CENPP: variants seen among roughly 807,000 people sequenced by gnomAD.
CENPP encodes the protein centromere protein P.
CENPP carries 24 observed loss-of-function variants against 35.6 expected under a neutral mutation model. The ratio of observed to expected loss-of-function variants is 0.67; its 90% confidence interval spans 0.49 to 0.95. The LOEUF (loss-of-function observed/expected upper bound fraction) is 0.95. Ranked by LOEUF, CENPP falls within the 40% of genes least tolerant of loss-of-function variation. The pLI, the probability that CENPP is intolerant of heterozygous loss-of-function variation, is 0.00. For synonymous variants in CENPP, 120 were observed against 125.5 expected (o/e 0.96, Z 0.29); for missense variants, 332 against 345.3 (o/e 0.96, Z 0.31).
At chr9:92,422,638 C>T (rs1843842655) in intron 5 of CENPP, among the ~76,000 whole-genome samples, 2 of 152,244 alleles carry the variant, frequency 1.3e-5, no homozygotes, top group African/African-American at 4.8e-5. Flanking sequence ...GTCCTCCTCC[C>T]TCCACGTTCC....
chr9:92,460,550 A>G lies in CENPP; in HGVS notation c.564+80691A>G, dbSNP rs539600204. 9.4e-6 allele frequency: 15 copies of G among 1,590,402 alleles called. No homozygotes were observed. The highest frequency in any genetic ancestry group is 8.9e-5 in the East Asian group (4 of 44,746). On this transcript the variant is annotated intron_variant, in intron 5 of 7. Transcript: ENST00000375587. Reference sequence around the variant, plus strand: ...TTATTATAATCTAAGTGAAGCTCCAATAAAGTTGGTGGTAAGCCTAATAAG... The same window carrying G: ...TTATTATAATCTAAGTGAAGCTCCAGTAAAGTTGGTGGTAAGCCTAATAAG...
intron 5 of CENPP, among the ~76,000 whole-genome samples, chr9:92,610,190 G>A (rs1851198385): frequency 6.6e-6 from 1 of 152,172 alleles, no homozygotes; most frequent in Non-Finnish European, 1.5e-5. Context: ...TGAGTGGCTG[G>A]GACTACTGGC....
At chr9:92,389,395 C>T (rs866625625) in intron 5 of CENPP, among the ~76,000 whole-genome samples, 1 of 152,076 alleles carries the variant, frequency 6.6e-6, no homozygotes, top group African/African-American at 2.4e-5. Flanking sequence ...GGAAAATCTC[C>T]CTATAGAATT....
At chr9:92,513,572 C>G (rs1035902479) in intron 5 of CENPP, among the ~76,000 whole-genome samples, 1 of 152,186 alleles carries the variant, frequency 6.6e-6, no homozygotes, top group African/African-American at 2.4e-5. Flanking sequence ...ATAGGAAACC[C>G]TGCCCCATCC....
chr9:92,443,722 C>A (rs1844480719), intron 5 of CENPP, among the ~76,000 whole-genome samples: 1 of 151,856 alleles, frequency 6.6e-6, no homozygotes, highest in African/African-American at 2.4e-5. Context: ...TGCAGTGGCG[C>A]AATCTCGGCT....
intron 5 of CENPP, among the ~76,000 whole-genome samples, chr9:92,595,884 A>G (rs182677067): frequency 9.1e-4 from 138 of 152,242 alleles, no homozygotes; most frequent in Non-Finnish European, 1.4e-3. Context: ...TTTTTAAAAA[A>G]CTGAAAGCAT....
chr9:92,326,150 C>A, intron 1 of CENPP, 45 bp downstream of exon 1: 1 of 1,311,290 alleles, frequency 7.6e-7, no homozygotes, highest in Non-Finnish European at 1.0e-6. Flanking sequence ...GGCCAGGGTT[C>A]CCGGGCCAGG....
At chr9:92,329,459 T>G (rs1840672012) in intron 1 of CENPP, among the ~76,000 whole-genome samples, 1 of 152,228 alleles carries the variant, frequency 6.6e-6, no homozygotes, top group Non-Finnish European at 1.5e-5. Flanking sequence ...CTTCTGGGAT[T>G]ACGTGAGCCA....
At chr9:92,460,985 C>G (rs1345633976) in intron 5 of CENPP, among the ~76,000 whole-genome samples, 2 of 152,148 alleles carry the variant, frequency 1.3e-5, no homozygotes, top group Non-Finnish European at 2.9e-5. Context: ...AGCCTGGTAC[C>G]TACTTTTTAT....
intron 5 of CENPP, among the ~76,000 whole-genome samples, chr9:92,542,232 A>G (rs1849333909): frequency 6.6e-6 from 1 of 151,842 alleles, no homozygotes; most frequent in Admixed American, 6.6e-5. Context: ...TCCTTTGCCT[A>G]TTTTCTTGAT....
chr9:92,372,846 C>T (rs1180228874), intron 4 of CENPP, among the ~76,000 whole-genome samples: 3 of 151,330 alleles, frequency 2.0e-5, no homozygotes, highest in Non-Finnish European at 4.4e-5. Flanking sequence ...GGTGACTAGA[C>T]TCCTTTCTCT....
intron 5 of CENPP, chr9:92,515,185 C>G: frequency 6.3e-7 from 1 of 1,592,896 alleles, no homozygotes; most frequent in Non-Finnish European, 8.5e-7. Context: ...TGCTATACCA[C>G]TGAGTAGAGA....
chr9:92,501,460 G>T (rs970698727), intron 5 of CENPP, among the ~76,000 whole-genome samples: 4 of 152,260 alleles, frequency 2.6e-5, no homozygotes, highest in Non-Finnish European at 5.9e-5. Flanking sequence ...AAGGAAGTTT[G>T]GTTTGTTTTG....
chr9:92,370,793 T>C (rs1388683316), intron 4 of CENPP, among the ~76,000 whole-genome samples: 1 of 152,232 alleles, frequency 6.6e-6, no homozygotes. Flanking sequence ...AGACTTCTTG[T>C]TGATTCAATC....
chr9:92,357,668 T>G (rs2130826639), intron 4 of CENPP, among the ~76,000 whole-genome samples: 1 of 151,970 alleles, frequency 6.6e-6, no homozygotes, highest in African/African-American at 2.4e-5. Flanking sequence ...CTCATTTTTT[T>G]TGTATTTTTA....
intron 4 of CENPP, among the ~76,000 whole-genome samples, chr9:92,365,304 T>G (rs541903569): frequency 1.3e-5 from 2 of 152,034 alleles, no homozygotes; most frequent in African/African-American, 2.4e-5. Context: ...TAGGAGTACA[T>G]GGAGGAGGTT....
intron 5 of CENPP, among the ~76,000 whole-genome samples, chr9:92,416,056 G>GTATATATATA (rs1403964887): frequency 1.2e-5 from 1 of 83,452 alleles, no homozygotes; most frequent in African/African-American, 3.3e-5. Context: ...TTATATATGT[G>GTATATATATA]TGTATATATA....
At chr9:92,346,563 C>T (rs566691309) in intron 4 of CENPP, among the ~76,000 whole-genome samples, 2 of 152,090 alleles carry the variant, frequency 1.3e-5, no homozygotes, top group East Asian at 3.9e-4. Context: ...TATCACAGTC[C>T]CAGGACCAAG....
intron 5 of CENPP, chr9:92,464,840 A>G (rs753899547): frequency 3.8e-6 from 4 of 1,040,040 alleles, no homozygotes; most frequent in South Asian, 3.8e-5. Context: ...TATACTGCAC[A>G]GTTTACAATA....
Sources: gnomAD v4.1 joint callset for allele counts (sites outside exome capture counted in the v4.1 genomes callset) on GRCh38, gnomAD v4.1.1 for gene constraint, MANE v1.5 for transcripts, NCBI Gene and HGNC (gene_info 2026-07-23, HGNC 2026-07-21) for gene names.